ASTN2: variants seen among roughly 807,000 people sequenced by gnomAD.
The protein encoded by ASTN2 is astrotactin-2.
A neutral mutation model predicts 139.8 loss-of-function variants in ASTN2; 54 were observed. The ratio of observed to expected loss-of-function variants is 0.39; its 90% confidence interval spans 0.31 to 0.48. ASTN2 has a LOEUF of 0.48. Ranked by LOEUF, ASTN2 falls within the 20% of genes least tolerant of loss-of-function variation. The pLI is 0.95. For synonymous variants in ASTN2, 756 were observed against 719.5 expected, an observed-to-expected ratio of 1.05 and a Z score of -0.81; for missense variants, 1,565 against 1,725.1, an observed-to-expected ratio of 0.91 and a Z score of 1.64.
At chr9:116,580,993 G>A (rs1287965134) in intron 19 of ASTN2, among the ~76,000 whole-genome samples, 2 of 152,176 alleles carry the variant, frequency 1.3e-5, no homozygotes, top group African/African-American at 4.8e-5. Flanking sequence ...TGGGAGTGGA[G>A]CAATTACAAG....
intron 1 of ASTN2, among the ~76,000 whole-genome samples, chr9:117,333,996 A>G (rs981914997): frequency 6.6e-6 from 1 of 152,190 alleles, no homozygotes; most frequent in Non-Finnish European, 1.5e-5. Context: ...CTTCCAAACC[A>G]TGCTGCATAC....
At chr9:116,782,915 G>T (rs1406624208) in intron 13 of ASTN2, among the ~76,000 whole-genome samples, 1 of 152,204 alleles carries the variant, frequency 6.6e-6, no homozygotes, top group East Asian at 1.9e-4. Flanking sequence ...GCACGGGTCA[G>T]TTTATCGAAT....
intron 11 of ASTN2, among the ~76,000 whole-genome samples, chr9:116,839,893 T>A: frequency 8.4e-6 from 1 of 118,434 alleles, no homozygotes; most frequent in Non-Finnish European, 1.7e-5. Context: ...TTTTTTTTTT[T>A]TAATTGATCA....
intron 10 of ASTN2, among the ~76,000 whole-genome samples, chr9:116,881,245 T>C (rs1342779508): frequency 6.6e-6 from 1 of 152,202 alleles, no homozygotes; most frequent in Non-Finnish European, 1.5e-5. Context: ...GTGTGTTTTA[T>C]AGACATTTTC....
chr9:116,445,086 C>T (rs1204028892), intron 20 of ASTN2, among the ~76,000 whole-genome samples: 4 of 152,104 alleles, frequency 2.6e-5, no homozygotes, highest in Non-Finnish European at 4.4e-5. Context: ...GCATACACTT[C>T]GGCTTGGGTA....
At chr9:116,999,548 CTTTTTTTTTTTTTTTT>C (rs71379248) in intron 7 of ASTN2, among the ~76,000 whole-genome samples, 9 of 94,964 alleles carry the variant, frequency 9.5e-5, no homozygotes, top group Admixed American at 1.1e-4. Context: ...TTCTCTCTTT[CTTTTTTTTTTTTTTTT>C]TTTTTTTTTT....
Position 116,440,616 on chromosome 9 carries a change from C to T in ASTN2, c.3775G>A (p.Gly1259Arg). 6.2e-7 allele frequency: 1 copy of T among 1,613,182 alleles called. No individual in the cohort carries two copies. Among genetic ancestry groups the T allele is most frequent in the Non-Finnish European group, 8.5e-7 (1 of 1,179,996 alleles). Residue 1259 changes from glycine (G) to arginine (R), a missense_variant, in exon 22 of 23, where the codon GGG becomes AGG. By Grantham distance (125) the Gly-to-Arg change is moderately radical. Transcript: ENST00000313400. The part of the protein sequence containing the change: ...DFVWRSEDEL[G>R]PRKAHLILRR... The stretch of plus-strand genomic sequence containing the variant: ...ACACAAATACGCCCATACCTGGGCC[C>T]CAGCTCATCCTCACTTCTCCAGACG...
At chr9:116,649,658 CT>C (rs1170287513) in intron 17 of ASTN2, among the ~76,000 whole-genome samples, 3 of 151,744 alleles carry the variant, frequency 2.0e-5, no homozygotes, top group Non-Finnish European at 4.4e-5. Context: ...ATCACTACAG[CT>C]CATTCATTTT....
At chr9:117,401,601 C>CAG (rs746174566) in intron 1 of ASTN2, among the ~76,000 whole-genome samples, 11 of 152,092 alleles carry the variant, frequency 7.2e-5, no homozygotes, top group Non-Finnish European at 1.6e-4. Context: ...CTGTGTAGAG[C>CAG]AGAGGTTGGC....
intron 1 of ASTN2, among the ~76,000 whole-genome samples, chr9:117,366,923 C>T (rs1324828595): frequency 2.0e-5 from 3 of 152,148 alleles, no homozygotes; most frequent in Admixed American, 2.0e-4. Context: ...TACAGGTGCA[C>T]ACCACTACAC....
chr9:116,486,208 G>A (rs1029552168), intron 20 of ASTN2, among the ~76,000 whole-genome samples: 3 of 152,194 alleles, frequency 2.0e-5, no homozygotes, highest in Non-Finnish European at 2.9e-5. Flanking sequence ...TGTTATCTGA[G>A]GATAGGACTT....
At chr9:116,845,030 T>C (rs1324027013) in intron 11 of ASTN2, among the ~76,000 whole-genome samples, 2 of 152,264 alleles carry the variant, frequency 1.3e-5, no homozygotes, top group African/African-American at 4.8e-5. Context: ...TGGCTGGATA[T>C]GTCTTTCCTT....
intron 20 of ASTN2, among the ~76,000 whole-genome samples, chr9:116,445,176 T>C (rs532506335): frequency 1.3e-5 from 2 of 152,254 alleles, no homozygotes; most frequent in African/African-American, 4.8e-5. Flanking sequence ...CTGATATAAA[T>C]GAATGAATGA....
At chr9:116,993,910 G>C (rs1291360329) in intron 7 of ASTN2, among the ~76,000 whole-genome samples, 1 of 144,404 alleles carries the variant, frequency 6.9e-6, no homozygotes, top group African/African-American at 2.5e-5. Flanking sequence ...TTTTAGCTCT[G>C]TGCCTGTCCC....
chr9:117,048,075 C>T (rs1397185709), intron 5 of ASTN2, among the ~76,000 whole-genome samples: 1 of 152,146 alleles, frequency 6.6e-6, no homozygotes, highest in African/African-American at 2.4e-5. Flanking sequence ...AAATGAAAAA[C>T]CATTTGATGT....
chr9:116,857,916 C>G (rs536941407), intron 11 of ASTN2, among the ~76,000 whole-genome samples: 21 of 152,280 alleles, frequency 1.4e-4, no homozygotes, highest in African/African-American at 5.1e-4. Flanking sequence ...ACTAAGAAGC[C>G]TTGCAGCTTC....
At chr9:117,225,610 C>G (rs1268702748) in intron 2 of ASTN2, among the ~76,000 whole-genome samples, 2 of 131,920 alleles carry the variant, frequency 1.5e-5, no homozygotes, top group African/African-American at 5.5e-5. Context: ...GGAGCTTTGC[C>G]CTCATTCATT....
chr9:116,605,246 G>A (rs1199518582), intron 19 of ASTN2, among the ~76,000 whole-genome samples: 1 of 152,098 alleles, frequency 6.6e-6, no homozygotes, highest in Non-Finnish European at 1.5e-5. Flanking sequence ...AGATGCCAGG[G>A]CAGAAAAGGG....
At chr9:116,615,252 T>C (rs1258867370) in intron 19 of ASTN2, among the ~76,000 whole-genome samples, 15 of 152,060 alleles carry the variant, frequency 9.9e-5, no homozygotes, top group Non-Finnish European at 2.9e-5. Context: ...TGTGGAGAAA[T>C]AGGAAGACTT....
Sources: gnomAD v4.1 joint callset for allele counts (sites outside exome capture counted in the v4.1 genomes callset) on GRCh38, gnomAD v4.1.1 for gene constraint, MANE v1.5 for transcripts, NCBI Gene and HGNC (gene_info 2026-07-23, HGNC 2026-07-21) for gene names.